Variants in LONRF2 observed in about 807,000 individuals in gnomAD.
LONRF2 encodes the protein LON peptidase N-terminal domain and ring finger 2, also known as LON peptidase N-terminal domain and RING finger protein 2.
Under a neutral mutation model 66.6 loss-of-function variants are expected in LONRF2, and 35 were observed. The ratio of observed to expected loss-of-function variants is 0.53; its 90% CI spans 0.40 to 0.70. LONRF2 has a LOEUF of 0.70. Among genes scored for constraint, LONRF2 ranks in the 30% least tolerant of loss-of-function variants. The pLI, the probability that LONRF2 is intolerant of heterozygous loss-of-function variation, is 0.00. For missense variants in LONRF2, 902 were observed against 1,002.1 expected (o/e 0.90, Z 1.35); for synonymous variants, 417 against 418.1 (o/e 1.00, Z 0.03).
rs2309825 is a variant in LONRF2, at chr2:100,288,639, A to T, written c.1921-1576T>A. Among the ~76,000 whole-genome samples, 108 of 152,140 alleles carry T rather than the reference A, an allele frequency of 7.1e-4. 3 individuals are homozygous for T. In the East Asian group the frequency reaches 0.018, roughly 26 times the overall value. On this transcript the variant is annotated intron_variant, in intron 10 of 11. Transcript: ENST00000393437. ...CACCACTCCCTCCAGTCAATTACAA[A>T]GCCAACCCCACAAGCCTTTTCTGAC...
intron 1 of LONRF2, among the ~76,000 whole-genome samples, chr2:100,318,892 G>A (rs1399082259): frequency 6.6e-6 from 1 of 151,352 alleles, no homozygotes; most frequent in Non-Finnish European, 1.5e-5. Flanking sequence ...AGCACTTTGG[G>A]AGGCTGAGGC....
chr2:100,310,066 A>C (rs566011389), intron 1 of LONRF2, among the ~76,000 whole-genome samples: 2 of 152,294 alleles, frequency 1.3e-5, no homozygotes, highest in African/African-American at 4.8e-5. Flanking sequence ...AGGAAAAAAA[A>C]ACTCCTTTCT....
chr2:100,299,255 T>A lies in LONRF2; in HGVS notation c.1332A>T (p.Val444=). 1 of 1,594,124 alleles carries A rather than the reference T, an allele frequency of 6.3e-7. No individual in the cohort carries two copies. Among genetic ancestry groups the A allele is most frequent in the Non-Finnish European group, 8.6e-7 (1 of 1,168,092 alleles). Residue 444 remains valine, a synonymous_variant, in exon 6 of 12, where the codon GTA becomes GTT. Transcript: ENST00000393437. ...TGCAGAGGGCACACTCAAAGTCAGTTACATCAAGCGAGAGCCCCTGACTTT... is the reference window on the plus strand; with the variant it reads ...TGCAGAGGGCACACTCAAAGTCAGTAACATCAAGCGAGAGCCCCTGACTTT... The part of the protein sequence containing the change: ...TEESQGLSLD[V]TDFECALCMR...
chr2:100,304,848 G>T (rs893246164), intron 2 of LONRF2, among the ~76,000 whole-genome samples: 1 of 145,216 alleles, frequency 6.9e-6, no homozygotes, highest in Non-Finnish European at 1.5e-5. Flanking sequence ...GGCCAGGCTA[G>T]TCTCAAACTC....
chr2:100,306,908 T>G (rs561238296), intron 2 of LONRF2, among the ~76,000 whole-genome samples: 2 of 137,174 alleles, frequency 1.5e-5, no homozygotes, highest in East Asian at 4.7e-4. Context: ...TTTTTTTTTT[T>G]GAGGTGGAGT....
At chr2:100,306,724 G>A (rs1675298565) in intron 2 of LONRF2, among the ~76,000 whole-genome samples, 1 of 152,092 alleles carries the variant, frequency 6.6e-6, no homozygotes, top group South Asian at 2.1e-4. Context: ...TTCTCAAAGT[G>A]CTTGGTTCTA....
intron 1 of LONRF2, among the ~76,000 whole-genome samples, chr2:100,313,634 A>G (rs1415373439): frequency 6.6e-6 from 1 of 152,212 alleles, no homozygotes; most frequent in Non-Finnish European, 1.5e-5. Flanking sequence ...TACAGAGTCA[A>G]GTCCACAAAT....
chr2:100,283,070 G>A lies in LONRF2; in HGVS notation c.*1228C>T, dbSNP rs1436116281. On this transcript the variant is annotated 3_prime_UTR_variant, in exon 12 of 12. Transcript: ENST00000393437. ...TTACAGACGAGGAAGCCAACCAAATGCACCAGCTGGTTGGGCCAGAGAGAA... is the reference window on the plus strand; with the variant it reads ...TTACAGACGAGGAAGCCAACCAAATACACCAGCTGGTTGGGCCAGAGAGAA... The A allele has an allele frequency of 1.3e-5, 2 of 152,162 alleles. No homozygotes were observed. The highest frequency in any genetic ancestry group is 4.8e-5 in the African/African-American group (2 of 41,426). The allele number at this position is 152,162 out of a possible 1,614,324, so 9.4% of individuals were successfully genotyped here. A position where few individuals can be genotyped will look rare whatever the true frequency, so the allele number is the denominator to read the frequency against.
At chr2:100,309,670 A>AT (rs58119643) in intron 1 of LONRF2, among the ~76,000 whole-genome samples, 6,233 of 151,916 alleles carry the variant, frequency 0.041, 431 homozygotes, top group African/African-American at 0.14. Context: ...GTAAAACATA[A>AT]TTTTTTTTCT....
chr2:100,315,165 T>C (rs1378044797), intron 1 of LONRF2, among the ~76,000 whole-genome samples: 2 of 152,230 alleles, frequency 1.3e-5, no homozygotes, highest in East Asian at 3.8e-4. Context: ...AAATTTTCAG[T>C]GTAGAGGTAT....
rs939483993 is a variant in LONRF2, at chr2:100,275,681, A to G, written c.*8617T>C. On this transcript the variant is annotated 3_prime_UTR_variant, in exon 12 of 12. Transcript: ENST00000393437. ...TGAGGAAAAGGGGAAGGGGTGGGACACTTTGTTCCCACTCCCCTGAGACCT... is the reference window on the plus strand; with the variant it reads ...TGAGGAAAAGGGGAAGGGGTGGGACGCTTTGTTCCCACTCCCCTGAGACCT... 1 of 152,138 alleles carries G rather than the reference A, an allele frequency of 6.6e-6. No individual in the cohort carries two copies. The highest frequency in any genetic ancestry group is 1.5e-5 in the Non-Finnish European group (1 of 68,048). 9.4% of individuals were successfully genotyped at this position (152,138 alleles called of 1,614,324 possible).
intron 10 of LONRF2, among the ~76,000 whole-genome samples, chr2:100,287,929 AC>A (rs1449588951): frequency 3.3e-5 from 5 of 152,198 alleles, no homozygotes; most frequent in African/African-American, 1.2e-4. Context: ...TCCAGTACCT[AC>A]AAAAACTACG....
intron 3 of LONRF2, among the ~76,000 whole-genome samples, chr2:100,302,031 C>T (rs940072872): frequency 6.6e-5 from 10 of 152,154 alleles, no homozygotes; most frequent in Admixed American, 5.9e-4. Context: ...CTCTGAAGTT[C>T]TTACTTTTAA....
At position 100,276,069 on chromosome 2, in the gene LONRF2, A is replaced by C. The variant is rs966798095; in HGVS notation, c.*8229T>G. On this transcript the variant is annotated 3_prime_UTR_variant, in exon 12 of 12. Coordinates refer to ENST00000393437, the MANE Select transcript of LONRF2 (RefSeq NM_198461.4). Reference sequence around the variant, plus strand: ...AGAAATCCAACGCTTATACACTAAAAATGTATACAACAAATTATATACTAA... The same window carrying C: ...AGAAATCCAACGCTTATACACTAAACATGTATACAACAAATTATATACTAA... The C allele has an allele frequency of 6.6e-6, 1 of 152,234 alleles. No homozygotes were observed. Among genetic ancestry groups the C allele is most frequent in the Admixed American group, 6.5e-5 (1 of 15,292 alleles). The allele number at this position is 152,234 out of a possible 1,614,324, so 9.4% of individuals were successfully genotyped here. A position where few individuals can be genotyped will look rare whatever the true frequency, so the allele number is the denominator to read the frequency against.
Position 100,284,046 on chromosome 2 carries a change from C to T in LONRF2, c.*252G>A. The T allele has an allele frequency of 2.6e-6, 1 of 384,714 alleles. No homozygotes were observed. The highest frequency in any genetic ancestry group is 4.8e-5 in the South Asian group (1 of 20,956). 23.8% of individuals were successfully genotyped at this position (384,714 alleles called of 1,614,324 possible). ...GTGAACTGCATTCCCCAAGCACCTG[C>T]TTCTAAGAGATTTTCTTAGGTTGTT... On this transcript the variant is annotated 3_prime_UTR_variant, in exon 12 of 12. Coordinates refer to ENST00000393437, the MANE Select transcript of LONRF2 (RefSeq NM_198461.4).
At chr2:100,307,597 T>C (rs1034112196) in intron 2 of LONRF2, among the ~76,000 whole-genome samples, 10 of 152,166 alleles carry the variant, frequency 6.6e-5, no homozygotes, top group Non-Finnish European at 1.0e-4. Context: ...GGGAGAGGAA[T>C]TGGGGCGACG....
At chr2:100,300,025 G>C in intron 4 of LONRF2, 107 bp from the exon 5 acceptor site, 1 of 518,308 alleles carries the variant, frequency 1.9e-6, no homozygotes. Flanking sequence ...AAAAAGGGGG[G>C]GGCATACACT....
rs1674513593 is a variant in LONRF2 at position 100,272,229 on chromosome 2, G to A, written c.*12069C>T. Among the ~76,000 whole-genome samples, 1 of 152,234 alleles carries A rather than the reference G, an allele frequency of 6.6e-6. No homozygotes were observed. Among genetic ancestry groups the A allele is most frequent in the Non-Finnish European group, 1.5e-5 (1 of 68,040 alleles). ...CAAAGAGTATGCAGGGTTAGGTGCA[G>A]TGGCTTATGCCTGCAATCTCACACT... is the stretch of plus-strand genomic sequence containing the variant. On this transcript the variant is annotated 3_prime_UTR_variant, in exon 12 of 12. Transcript: ENST00000393437.
chr2:100,322,151 G>C lies in LONRF2; in HGVS notation c.-58C>G. 8.2e-7 allele frequency: 1 copy of C among 1,213,052 alleles called. No homozygotes were observed. The highest frequency in any genetic ancestry group is 1.0e-6 in the Non-Finnish European group (1 of 973,820). 75.1% of individuals were successfully genotyped at this position (1,213,052 alleles called of 1,614,324 possible). The stretch of plus-strand genomic sequence containing the variant: ...CGAAGGCGCGGAGCAGGGAGGATGC[G>C]CTGCTGCTGGGAACTGGCCGGCGGG... On this transcript the variant is annotated 5_prime_UTR_variant, in exon 1 of 12. Coordinates refer to ENST00000393437, the MANE Select transcript of LONRF2 (RefSeq NM_198461.4).
Sources: gnomAD v4.1 joint callset for allele counts (sites outside exome capture counted in the v4.1 genomes callset) on GRCh38, gnomAD v4.1.1 for gene constraint, MANE v1.5 for transcripts, NCBI Gene and HGNC (gene_info 2026-07-23, HGNC 2026-07-21) for gene names.